The following CES2 variants were observed in gnomAD, a reference collection of about 807,000 sequenced individuals.
The protein encoded by CES2 is cocaine esterase.
Under a neutral mutation model 52.1 loss-of-function variants are expected in CES2, and 42 were observed. That is an observed-to-expected ratio of 0.81 (90% CI 0.63 to 1.04). The LOEUF (loss-of-function observed/expected upper bound fraction) is 1.04. Ranked by LOEUF, CES2 falls within the 50% of genes least tolerant of loss-of-function variation. CES2 has a pLI of 0.00. For synonymous variants in CES2, 277 were observed against 289.6 expected, an observed-to-expected ratio of 0.96 and a Z score of 0.44; for missense variants, 656 against 724.3, an observed-to-expected ratio of 0.91 and a Z score of 1.08.
chr16:66,934,964 G>A (rs1238891825), upstream of CES2: 1 of 161,126 alleles, frequency 6.2e-6, no homozygotes, highest in Non-Finnish European at 1.3e-5. This position sits in a 1 kb window ranked among gnomAD's most constrained non-coding sequence, Gnocchi z 4.1. Context: ...CTTAAGAAGT[G>A]CCGCGGTCAC....
Position 66,938,184 on chromosome 16 carries a change from C to T in CES2, c.224C>T (p.Pro75Leu), listed in dbSNP as rs769856883. 1 of 1,614,026 alleles carries T rather than the reference C, an allele frequency of 6.2e-7. No individual in the cohort carries two copies. Among genetic ancestry groups the T allele is most frequent in the Admixed American group, 1.7e-5 (1 of 60,002 alleles). Residue 75 changes from proline to leucine, a missense_variant, in exon 2 of 12, where the codon CCC becomes CTC. Pro to Leu is a moderately conservative substitution (Grantham distance 98). Transcript: ENST00000317091. ...KPPLGPLRFA[P>L]PEPPESWSGV... ...CCTCTAGGTCCGCTGCGATTTGCAC[C>T]CCCTGAGCCCCCTGAATCTTGGAGT... is the stretch of plus-strand genomic sequence containing the variant.
rs1597007772 is a variant in CES2, at chr16:66,940,313, T to G, written c.515T>G (p.Val172Gly). 6.2e-7 allele frequency: 1 copy of G among 1,614,118 alleles called. No individual in the cohort carries two copies. Among genetic ancestry groups the G allele is most frequent in the East Asian group, 2.2e-5 (1 of 44,866 alleles). The change falls in exon 4 of 12, where the codon GTG (valine) becomes GGG (glycine). Residue 172 changes from valine to glycine, a missense_variant. Physicochemically the swap from Val to Gly is moderately radical, Grantham distance 109 (BLOSUM62 -3). Coordinates refer to ENST00000317091, the MANE Select transcript of CES2 (RefSeq NM_001365405.1). ...SMLAALENVV[V>G]VIIQYRLGVL... ...CTGGCTGCCTTGGAGAACGTGGTGGTGGTCATCATCCAGTACCGCCTGGGT... is the reference window on the plus strand; with the variant it reads ...CTGGCTGCCTTGGAGAACGTGGTGGGGGTCATCATCCAGTACCGCCTGGGT...
rs575132823 is a variant in CES2 at position 66,943,361 on chromosome 16, G to A, written c.1483G>A (p.Ala495Thr). The stretch of plus-strand genomic sequence containing the variant: ...GATGATGAAGTACTGGGCCAACTTT[G>A]CGAGAAATGGGTGAGACAGCACACC... ...RKMMKYWANF[A>T]RNGNPNGEGL... Residue 495 changes from alanine to threonine, a missense_variant, in exon 11 of 12, where the codon GCG (alanine) becomes ACG (threonine). Transcript: ENST00000317091. The surrounding 1 kb of genome is among the most constrained non-coding windows in gnomAD (Gnocchi z 4.2). 4.3e-6 allele frequency: 7 copies of A among 1,614,164 alleles called. No homozygotes were observed. In the East Asian group the frequency reaches 8.9e-5, roughly 21 times the overall value.
At position 66,942,205 on chromosome 16, in the gene CES2, A is replaced by T. The variant is rs185100201; in HGVS notation, c.1238A>T (p.Asp413Val). The T allele has an allele frequency of 4.3e-6, 7 of 1,613,522 alleles. No homozygotes were observed. The highest frequency in any genetic ancestry group is 1.3e-5 in the African/African-American group (1 of 74,962). The change falls in exon 9 of 12, where the codon GAC (aspartate) becomes GTC (valine). Residue 413 changes from aspartate (D) to valine (V), a missense_variant. Coordinates refer to ENST00000317091, the MANE Select transcript of CES2 (RefSeq NM_001365405.1). ...LQAQFQEMMA[D>V]SMFVIPALQV... ...GCGCAGTTCCAGGAGATGATGGCGG[A>T]CTCCATGTTTGTGATCCCTGCACTC... is the stretch of plus-strand genomic sequence containing the variant.
At chr16:66,942,328 C>T (rs564081827) in intron 9 of CES2, 79 bp downstream of exon 9, 50 of 1,433,478 alleles carry the variant, frequency 3.5e-5, no homozygotes, top group East Asian at 4.6e-5. Flanking sequence ...TGCTGCTGTC[C>T]GGGTCAGCAC....
rs1963388633 is a variant in CES2 at position 66,942,356 on chromosome 16, CG to C, written c.1282+111del. The C allele has an allele frequency of 5.0e-6, 6 of 1,192,672 alleles. No homozygotes were observed. The Admixed American group carries it at 1.4e-4, about 27-fold the overall frequency. The allele number at this position is 1,192,672 out of a possible 1,614,324, so 73.9% of individuals were successfully genotyped here. Reference sequence around the variant, plus strand: ...GTCAGCACTCATGTTTATTGGGCTCCGGGGACACTTGACATCCATCATTGCA... The same window carrying C: ...GTCAGCACTCATGTTTATTGGGCTCCGGGACACTTGACATCCATCATTGCA... On this transcript the variant is annotated intron_variant, in intron 9 of 11. Coordinates refer to ENST00000317091, the MANE Select transcript of CES2 (RefSeq NM_001365405.1).
At position 66,943,527 on chromosome 16, in the gene CES2, G is replaced by A; in HGVS notation, c.1493+156G>A. 1 of 756,024 alleles carries A rather than the reference G, an allele frequency of 1.3e-6. No individual in the cohort carries two copies. The highest frequency in any genetic ancestry group is 2.2e-6 in the Non-Finnish European group (1 of 457,676). The allele number at this position is 756,024 out of a possible 1,614,324, so 46.8% of individuals were successfully genotyped here. On this transcript the variant is annotated intron_variant, in intron 11 of 11. Coordinates refer to ENST00000317091, the MANE Select transcript of CES2 (RefSeq NM_001365405.1). This position sits in a 1 kb window ranked among gnomAD's most constrained non-coding sequence, Gnocchi z 4.2. ...CGGGACCCACTCAGACAGGGTGGGG[G>A]TGCGTGGGGCAGTGGACACGCTCTA...
chr16:66,942,238 C>A lies in CES2; in HGVS notation c.1271C>A (p.Ala424Glu). ...TTTGTGATCCCTGCACTCCAAGTAG[C>A]ACATTTTCAGTGTGAGTATATTTGG... ...SMFVIPALQVAHFQCSRAPVY... is the reference protein window; with the variant it reads ...SMFVIPALQVEHFQCSRAPVY... The change falls in exon 9 of 12, where the codon GCA becomes GAA. Residue 424 changes from alanine to glutamate, a missense_variant. Coordinates refer to ENST00000317091, the MANE Select transcript of CES2 (RefSeq NM_001365405.1). 6.2e-7 allele frequency: 1 copy of A among 1,611,578 alleles called. No homozygotes were observed. The highest frequency in any genetic ancestry group is 8.5e-7 in the Non-Finnish European group (1 of 1,178,272).
At chr16:66,934,659 C>A, upstream of CES2, 1 of 411,826 alleles carries the variant, frequency 2.4e-6, no homozygotes, top group Non-Finnish European at 4.3e-6. This position sits in a 1 kb window ranked among gnomAD's most constrained non-coding sequence, Gnocchi z 4.1. Context: ...TCAGGGGGCA[C>A]TAAAGGCGGT....
chr16:66,943,870 C>A lies in CES2; in HGVS notation c.1525C>A (p.Pro509Thr). 6.2e-7 allele frequency: 1 copy of A among 1,605,222 alleles called. No homozygotes were observed. Among genetic ancestry groups the A allele is most frequent in the Admixed American group, 1.7e-5 (1 of 59,732 alleles). Reference sequence around the variant, plus strand: ...CAATGGCGAGGGTCTGCCACACTGGCCGCTGTTCGACCAGGAGGAGCAATA... The same window carrying A: ...CAATGGCGAGGGTCTGCCACACTGGACGCTGTTCGACCAGGAGGAGCAATA... ...NPNGEGLPHW[P>T]LFDQEEQYLQ... The change falls in exon 12 of 12, where the codon CCG (proline) becomes ACG (threonine). Residue 509 changes from proline (P) to threonine (T), a missense_variant. By Grantham distance (38) the Pro-to-Thr change is conservative. Coordinates refer to ENST00000317091, the MANE Select transcript of CES2 (RefSeq NM_001365405.1). This position sits in a 1 kb window ranked among gnomAD's most constrained non-coding sequence, Gnocchi z 4.2.
In CES2 at chr16:66,940,703, C is replaced by A. The variant is rs749351541; in HGVS notation, c.816+8C>A. The A allele has an allele frequency of 6.2e-7, 1 of 1,613,344 alleles. No individual in the cohort carries two copies. Among genetic ancestry groups the A allele is most frequent in the Non-Finnish European group, 8.5e-7 (1 of 1,179,734 alleles). On this transcript the variant is annotated splice_region_variant and intron_variant, in intron 5 of 11. Coordinates refer to ENST00000317091, the MANE Select transcript of CES2 (RefSeq NM_001365405.1). Reference sequence around the variant, plus strand: ...GCTGATGTCATCTCCACGGTGAGTGCCCTCAGCTGAAGAGGCCTAGGCCTG... The same window carrying A: ...GCTGATGTCATCTCCACGGTGAGTGACCTCAGCTGAAGAGGCCTAGGCCTG...
Position 66,941,184 on chromosome 16 carries a change from C to T in CES2, c.877C>T (p.Arg293Trp), listed in dbSNP as rs201566497. ...VDSEALVGCL[R>W]GKSKEEILAI... is the part of the protein sequence containing the mutation. The stretch of plus-strand genomic sequence containing the variant: ...CTCTGAGGCCCTGGTGGGCTGCCTG[C>T]GGGGCAAGAGTAAAGAGGAGATTCT... The change falls in exon 6 of 12, where the codon CGG becomes TGG. Residue 293 changes from arginine to tryptophan, a missense_variant. By Grantham distance (101) the Arg-to-Trp change is moderately radical (BLOSUM62 -3). Transcript: ENST00000317091. 1.2e-5 allele frequency: 20 copies of T among 1,613,952 alleles called. No homozygotes were observed. The highest frequency in any genetic ancestry group is 5.0e-5 in the Admixed American group (3 of 59,996).
rs546575549 is a variant in CES2, at chr16:66,936,073, G to T, written c.76+362G>T. On this transcript the variant is annotated intron_variant, in intron 1 of 11. Transcript: ENST00000317091. ...GTGGCTGTAGCGGGTGCTGCCGGCC[G>T]GTAATAACAGTAATAGCTTCTGGCA... The T allele has an allele frequency of 7.7e-5, 85 of 1,104,584 alleles. 1 individual carries two copies. The African/African-American group carries it at 1.2e-3, about 16-fold the overall frequency. 68.4% of individuals were successfully genotyped at this position (1,104,584 alleles called of 1,614,324 possible).
intron 10 of CES2, 43 bp downstream of exon 10, chr16:66,942,828 C>T (rs762203745): frequency 6.2e-7 from 1 of 1,613,074 alleles, no homozygotes; most frequent in African/African-American, 1.3e-5. Context: ...GGGATTCTGG[C>T]TGGGTCTCTG....
At chr16:66,939,860 C>G (rs1963312412) in intron 3 of CES2, among the ~76,000 whole-genome samples, 2 of 152,214 alleles carry the variant, frequency 1.3e-5, no homozygotes, top group Non-Finnish European at 1.5e-5. Flanking sequence ...TTCCACCATG[C>G]CTGGCTCATT....
intron 1 of CES2, among the ~76,000 whole-genome samples, chr16:66,936,788 C>G (rs1963228417): frequency 6.6e-6 from 1 of 152,176 alleles, no homozygotes; most frequent in South Asian, 2.1e-4. Flanking sequence ...CCATGGTGCA[C>G]TGCTGCAGGG....
At chr16:66,941,698 G>A (rs371136517) in intron 7 of CES2, 52 bp downstream of exon 7, 10 of 1,613,132 alleles carry the variant, frequency 6.2e-6, no homozygotes, top group Non-Finnish European at 6.8e-6. Flanking sequence ...CTGGTAGTGG[G>A]GGGTGTTCAG....
intron 1 of CES2, chr16:66,936,037 C>G (rs1177477403): frequency 3.1e-6 from 4 of 1,277,096 alleles, no homozygotes; most frequent in African/African-American, 3.0e-5. Flanking sequence ...GTCCATTTCC[C>G]TCTTATGATT....
chr16:66,936,755 G>A (rs1296304263), intron 1 of CES2, among the ~76,000 whole-genome samples: 2 of 152,136 alleles, frequency 1.3e-5, no homozygotes, highest in South Asian at 2.1e-4. Flanking sequence ...ATTTGCGCAG[G>A]TGGAGTCCAT....
Sources: allele counts gnomAD v4.1 joint callset (sites outside exome capture counted in the v4.1 genomes callset), GRCh38; gene constraint gnomAD v4.1.1; non-coding constraint Gnocchi (gnomAD v3.1); transcripts MANE v1.5; gene names NCBI Gene and HGNC (gene_info 2026-07-23, HGNC 2026-07-21).